SSC4D: variants seen among roughly 807,000 people sequenced by gnomAD.
SSC4D encodes the protein scavenger receptor cysteine rich family member with 4 domains, also known as scavenger receptor cysteine-rich domain-containing group B protein.
In SSC4D, 57 loss-of-function variants were observed where a neutral mutation model predicts 63.4. The ratio of observed to expected loss-of-function variants is 0.90; its 90% confidence interval spans 0.73 to 1.12. SSC4D has a LOEUF of 1.12. Among genes scored for constraint, SSC4D ranks in the 50% most tolerant of loss-of-function variants. The pLI is 0.00. For synonymous variants in SSC4D, 352 were observed against 345.4 expected (o/e 1.02, Z -0.21); for missense variants, 791 against 806.4 (o/e 0.98, Z 0.23).
chr7:76,396,305 C>T lies in SSC4D; in HGVS notation c.869-975G>A, dbSNP rs369781910. Among the ~76,000 whole-genome samples the T allele has an allele frequency of 2.0e-5, 3 of 152,164 alleles. No individual in the cohort carries two copies. The East Asian group carries it at 5.8e-4, about 29-fold the overall frequency. On this transcript the variant is annotated intron_variant, in intron 6 of 10. Transcript: ENST00000275560. ...GTATGCCATGTCAGTTTACCATTGC[C>T]GTGGCAACACCTGGAGTTACCTTTC...
intron 5 of SSC4D, 134 bp downstream of exon 5, chr7:76,398,586 T>A (rs1272352528): frequency 3.0e-6 from 3 of 1,015,852 alleles, no homozygotes; most frequent in Admixed American, 3.8e-5. Context: ...ATTACAGGTG[T>A]GAGCCACCAT....
At position 76,402,691 on chromosome 7, in the gene SSC4D, C is replaced by T. The variant is rs889327373; in HGVS notation, c.133+1616G>A. ...TTTTTCTTTTTTGTTTTTCTTGAGA[C>T]GGAATTTCGCTCTTGTTGCCCAGGC... On this transcript the variant is annotated intron_variant, in intron 2 of 10. Transcript: ENST00000275560. Among the ~76,000 whole-genome samples, 14 of 152,044 alleles carry T rather than the reference C, an allele frequency of 9.2e-5. 1 individual carries two copies. In the South Asian group the frequency reaches 1.2e-3, roughly 13 times the overall value.
intron 5 of SSC4D, 103 bp downstream of exon 5, chr7:76,398,617 T>C: frequency 7.4e-7 from 1 of 1,344,840 alleles, no homozygotes; most frequent in African/African-American, 1.5e-5. Flanking sequence ...TTTCTCTAAC[T>C]TTACATCTTC....
intron 2 of SSC4D, among the ~76,000 whole-genome samples, chr7:76,402,136 C>T (rs918472704): frequency 1.3e-5 from 2 of 151,780 alleles, no homozygotes; most frequent in Admixed American, 1.3e-4. Flanking sequence ...CCTCCCGCCT[C>T]AGCCTCCAGA....
chr7:76,404,868 G>A (rs186453208), intron 1 of SSC4D, among the ~76,000 whole-genome samples: 5 of 151,800 alleles, frequency 3.3e-5, no homozygotes, highest in East Asian at 2.0e-4. Context: ...TCAGGAGTTC[G>A]AGACTAGCCT....
chr7:76,407,210 C>T (rs1805063965), intron 1 of SSC4D, among the ~76,000 whole-genome samples: 3 of 152,226 alleles, frequency 2.0e-5, no homozygotes, highest in Admixed American at 6.5e-5. Context: ...ATACACCCGC[C>T]TCGGTCTCCC....
At chr7:76,399,674 C>T (rs1804751475) in intron 4 of SSC4D, among the ~76,000 whole-genome samples, 1 of 152,090 alleles carries the variant, frequency 6.6e-6, no homozygotes, top group African/African-American at 2.4e-5. Context: ...TAGCTGGGAC[C>T]GCCCCCAACA....
At position 76,393,695 on chromosome 7, in the gene SSC4D, C is replaced by A; in HGVS notation, c.1043G>T (p.Gly348Val). ...GKKSGRLRLV[G>V]GPGPCRGRVE... ...GCGGCCGCGGCACGGACCCGGGCCG[C>A]CCACCAGTCGCAGCCGTCCACCTGC... The change falls in exon 9 of 11, where the codon GGC becomes GTC. Residue 348 changes from glycine (G) to valine (V), a missense_variant. Physicochemically the swap from Gly to Val is moderately radical, Grantham distance 109. Transcript: ENST00000275560. The A allele has an allele frequency of 7.2e-7, 1 of 1,397,804 alleles. No individual in the cohort carries two copies. The highest frequency in any genetic ancestry group is 9.2e-7 in the Non-Finnish European group (1 of 1,084,106). The allele number at this position is 1,397,804 out of a possible 1,614,324, so 86.6% of individuals were successfully genotyped here.
chr7:76,392,796 AG>A (rs762897432), intron 9 of SSC4D, among the ~76,000 whole-genome samples: 324 of 151,844 alleles, frequency 2.1e-3, no homozygotes, highest in Non-Finnish European at 3.9e-3. Context: ...CTGTCTCAAA[AG>A]AAAAAAAAAA....
chr7:76,398,142 TCTC>T (rs373081393), intron 5 of SSC4D, among the ~76,000 whole-genome samples: 178 of 152,156 alleles, frequency 1.2e-3, no homozygotes, highest in African/African-American at 3.6e-3. Flanking sequence ...CCTTCCCTGA[TCTC>T]CTGAGGAACG....
intron 1 of SSC4D, among the ~76,000 whole-genome samples, chr7:76,404,806 A>G (rs1804947887): frequency 6.6e-6 from 1 of 151,870 alleles, no homozygotes. Context: ...GCGGTGGCTC[A>G]TGCCTGTAAT....
At chr7:76,404,582 A>ACCTC in intron 1 of SSC4D, 77 bp from the exon 2 acceptor site, 1 of 1,272,302 alleles carries the variant, frequency 7.9e-7, no homozygotes, top group Non-Finnish European at 1.1e-6. Context: ...GCTTGCACCC[A>ACCTC]GGGGTTTGAG....
intron 6 of SSC4D, 85 bp downstream of exon 6, chr7:76,397,433 T>C: frequency 7.1e-7 from 1 of 1,411,168 alleles, no homozygotes; most frequent in Non-Finnish European, 9.3e-7. Context: ...CCCATCCACC[T>C]CCCCACCGAA....
At chr7:76,403,337 G>T (rs1804889216) in intron 2 of SSC4D, among the ~76,000 whole-genome samples, 1 of 134,698 alleles carries the variant, frequency 7.4e-6, no homozygotes, top group Admixed American at 7.6e-5. Flanking sequence ...AAGAAACTGA[G>T]ACTCCACTTC....
In SSC4D at chr7:76,390,265, C is replaced by T. The variant is rs775089702; in HGVS notation, c.1522G>A (p.Gly508Ser). The T allele has an allele frequency of 2.9e-5, 47 of 1,613,844 alleles. No individual in the cohort carries two copies. Among genetic ancestry groups the T allele is most frequent in the Admixed American group, 6.7e-5 (4 of 59,978 alleles). The change falls in exon 11 of 11, where the codon GGT (glycine) becomes AGT (serine). Residue 508 changes from glycine to serine, a missense_variant. Gly to Ser is a moderately conservative substitution (Grantham distance 56, BLOSUM62 0). Coordinates refer to ENST00000275560, the MANE Select transcript of SSC4D (RefSeq NM_080744.2). ...CDDAWDLRAA[G>S]VLCRQLGCGQ... ...CAGCCCAGCTGGCGGCACAGGACAC[C>T]GGCTGCCCGCAGGTCCCAAGCATCA...
Position 76,393,389 on chromosome 7 carries a change from T to C in SSC4D, c.1333+16A>G, listed in dbSNP as rs1445654178. 2 of 1,346,230 alleles carry C rather than the reference T, an allele frequency of 1.5e-6. No individual in the cohort carries two copies. The highest frequency in any genetic ancestry group is 1.9e-6 in the Non-Finnish European group (2 of 1,045,708). 83.4% of individuals were successfully genotyped at this position (1,346,230 alleles called of 1,614,324 possible). A position where few individuals can be genotyped will look rare whatever the true frequency, so the allele number is the denominator to read the frequency against. ...CGCGGCCCCGCTGTCAGCCTCACCTTCGCTGTCAGCCTCACCTGCGCAGAG... is the reference window on the plus strand; with the variant it reads ...CGCGGCCCCGCTGTCAGCCTCACCTCCGCTGTCAGCCTCACCTGCGCAGAG... On this transcript the variant is annotated intron_variant, in intron 9 of 10. Transcript: ENST00000275560.
chr7:76,393,877 C>G lies in SSC4D; in HGVS notation c.974G>C (p.Arg325Pro). Residue 325 changes from arginine (R) to proline (P), a missense_variant, in exon 8 of 11, where the codon CGG (arginine) becomes CCG (proline). Arg to Pro is a moderately radical substitution (Grantham distance 103). Coordinates refer to ENST00000275560, the MANE Select transcript of SSC4D (RefSeq NM_080744.2). ...GGCGGTGGTGAGCAGTGCTGTCTCC[C>G]GGGAAGGCTGGGGGCCAACTCCTGT... ...SATGVGPQPS[R>P]ETALLTTAAW... The G allele has an allele frequency of 1.2e-6, 2 of 1,606,680 alleles. No homozygotes were observed. Among genetic ancestry groups the G allele is most frequent in the Non-Finnish European group, 1.7e-6 (2 of 1,176,418 alleles).
chr7:76,394,100 A>G (rs1004841697), intron 7 of SSC4D, among the ~76,000 whole-genome samples, 196 bp from the exon 8 acceptor site: 6 of 152,114 alleles, frequency 3.9e-5, no homozygotes, highest in Non-Finnish European at 7.4e-5. Flanking sequence ...CCGAAAGCTA[A>G]TTCTAGGTAT....
chr7:76,396,345 C>G (rs183803232), intron 6 of SSC4D, among the ~76,000 whole-genome samples: 1 of 152,318 alleles, frequency 6.6e-6, no homozygotes, highest in East Asian at 1.9e-4. Context: ...GCAACGCAGA[C>G]AACCCAAAAA....
Sources: allele counts gnomAD v4.1 joint callset (sites outside exome capture counted in the v4.1 genomes callset), GRCh38; gene constraint gnomAD v4.1.1; transcripts MANE v1.5; gene names NCBI Gene and HGNC (gene_info 2026-07-23, HGNC 2026-07-21).